TRIM9: variants seen among roughly 807,000 people sequenced by gnomAD.
The protein encoded by TRIM9 is tripartite motif containing 9.
TRIM9 carries 26 observed loss-of-function variants against 78.3 expected under a neutral mutation model. The observed-to-expected ratio is 0.33, with a 90% CI of 0.24 to 0.46. The LOEUF is 0.46. Among genes scored for constraint, TRIM9 ranks in the 20% least tolerant of loss-of-function variants. The pLI is 1.00. For synonymous variants in TRIM9, 398 were observed against 416.5 expected, an observed-to-expected ratio of 0.96 and a Z score of 0.54; for missense variants, 787 against 1,036.4, an observed-to-expected ratio of 0.76 and a Z score of 3.30.
At chr14:51,038,305 C>T (rs996029482) in intron 1 of TRIM9, among the ~76,000 whole-genome samples, 2 of 151,784 alleles carry the variant, frequency 1.3e-5, no homozygotes, top group African/African-American at 4.8e-5. Flanking sequence ...GGAACTCAGC[C>T]CTGTTTGTTG....
At chr14:50,988,929 T>C (rs1191557985) in intron 7 of TRIM9, among the ~76,000 whole-genome samples, 1 of 152,166 alleles carries the variant, frequency 6.6e-6, no homozygotes, top group Non-Finnish European at 1.5e-5. Context: ...TGAAGTCCCC[T>C]GGGATGAGGA....
intron 1 of TRIM9, among the ~76,000 whole-genome samples, chr14:51,042,125 C>A (rs2059621605): frequency 6.6e-6 from 1 of 152,132 alleles, no homozygotes; most frequent in Non-Finnish European, 1.5e-5. Context: ...AAGTTGATAG[C>A]TAAATCAACT....
chr14:51,034,911 T>A (rs1252717776), intron 1 of TRIM9, among the ~76,000 whole-genome samples: 1 of 152,162 alleles, frequency 6.6e-6, no homozygotes, highest in East Asian at 1.9e-4. Context: ...ATAGTACCCA[T>A]CTTGCTGGGT....
chr14:50,988,618 C>A (rs924645495), intron 7 of TRIM9, among the ~76,000 whole-genome samples: 4 of 151,064 alleles, frequency 2.6e-5, no homozygotes, highest in Non-Finnish European at 5.9e-5. Context: ...TATGACCTCC[C>A]ATTACCTACC....
At chr14:51,060,530 G>C (rs773512455) in intron 1 of TRIM9, among the ~76,000 whole-genome samples, 1 of 151,986 alleles carries the variant, frequency 6.6e-6, no homozygotes, top group Admixed American at 6.6e-5. Flanking sequence ...GCAGTGGCAC[G>C]ATCTCGGCTG....
intron 1 of TRIM9, among the ~76,000 whole-genome samples, chr14:51,039,658 G>A (rs1217718302): frequency 6.6e-6 from 1 of 152,172 alleles, no homozygotes; most frequent in Non-Finnish European, 1.5e-5. Flanking sequence ...CCTGTCTCTT[G>A]ATCTGAGTGG....
At chr14:50,983,037 G>C (rs1203521729) in intron 9 of TRIM9, 72 bp from the exon 10 acceptor site, 6 of 1,437,822 alleles carry the variant, frequency 4.2e-6, no homozygotes, top group African/African-American at 1.4e-5. Flanking sequence ...AAGAAAATGT[G>C]TCTCTCTTGA....
chr14:51,000,867 C>A, intron 5 of TRIM9, 27 bp from the exon 6 acceptor site: 1 of 1,612,668 alleles, frequency 6.2e-7, no homozygotes. Context: ...GTAACTCTGG[C>A]TTCTGTTAAG....
chr14:51,030,013 T>C (rs955783824), intron 1 of TRIM9, among the ~76,000 whole-genome samples: 4 of 152,272 alleles, frequency 2.6e-5, no homozygotes, highest in African/African-American at 9.6e-5. Context: ...CCAGATAGTA[T>C]GTAAATTACA....
At chr14:50,997,576 TTGAAA>T in intron 7 of TRIM9, 1 of 1,001,492 alleles carries the variant, frequency 1.0e-6, no homozygotes, top group Non-Finnish European at 1.2e-6. Context: ...CACCACCCAT[TTGAAA>T]CACATTCAGT....
chr14:50,977,210 C>T lies in TRIM9; in HGVS notation c.*81G>A, dbSNP rs80277731. The T allele has an allele frequency of 1.2e-3, 1,536 of 1,241,880 alleles. 17 individuals are homozygous for T. The African/African-American group carries it at 0.016, about 13-fold the overall frequency. The allele number at this position is 1,241,880 out of a possible 1,614,324, so 76.9% of individuals were successfully genotyped here. A position where few individuals can be genotyped will look rare whatever the true frequency, so the allele number is the denominator to read the frequency against. ...TCCCACTCCTGCCAACTCTGCACCC[C>T]ACCACGGCTGGCTGAGCTCCTTGCT... On this transcript the variant is annotated 3_prime_UTR_variant, in exon 13 of 13. Coordinates refer to ENST00000684578, the MANE Select transcript of TRIM9 (RefSeq NM_001387360.1).
chr14:51,053,593 T>TTTATTTTTTTTTTTTTTTTTTTA (rs1555344763), intron 1 of TRIM9, among the ~76,000 whole-genome samples: 1 of 114,996 alleles, frequency 8.7e-6, no homozygotes, highest in African/African-American at 3.7e-5. Flanking sequence ...TTTTTTTTTT[T>TTTATTTTTTTTTTTTTTTTTTTA]AATTTTTTTT....
chr14:51,061,250 G>A (rs986456326), intron 1 of TRIM9, among the ~76,000 whole-genome samples: 1 of 151,560 alleles, frequency 6.6e-6, no homozygotes, highest in Non-Finnish European at 1.5e-5. Context: ...CTGTCTCTAC[G>A]AAAAATATAA....
chr14:50,983,338 C>A (rs956555662), intron 9 of TRIM9, 42 bp downstream of exon 9: 5 of 1,469,152 alleles, frequency 3.4e-6, no homozygotes, highest in Non-Finnish European at 4.6e-6. Flanking sequence ...ATTGAGCACA[C>A]CAATCACGTA....
intron 6 of TRIM9, among the ~76,000 whole-genome samples, chr14:50,999,287 A>G (rs1016803385): frequency 6.6e-6 from 1 of 152,138 alleles, no homozygotes; most frequent in African/African-American, 2.4e-5. Flanking sequence ...GGGAAAAGAA[A>G]GGCCCTGAAA....
intron 1 of TRIM9, among the ~76,000 whole-genome samples, chr14:51,053,349 A>G (rs915901695): frequency 6.6e-6 from 1 of 151,802 alleles, no homozygotes; most frequent in Admixed American, 6.6e-5. Context: ...TCAAACCTTA[A>G]GAGTCCTAAG....
intron 1 of TRIM9, among the ~76,000 whole-genome samples, chr14:51,040,893 C>T (rs2059533042): frequency 6.6e-6 from 1 of 152,228 alleles, no homozygotes; most frequent in South Asian, 2.1e-4. Context: ...ATTCTAATAT[C>T]TGATCATTTT....
intron 1 of TRIM9, among the ~76,000 whole-genome samples, chr14:51,080,656 T>C (rs922184934): frequency 1.3e-5 from 2 of 152,212 alleles, no homozygotes; most frequent in African/African-American, 2.4e-5. Flanking sequence ...CCCAATTCTA[T>C]CCATTTATAA....
rs537845442 is a variant in TRIM9 at position 50,975,777 on chromosome 14, A to C, written c.*1514T>G. ...AAAAATATTTAGACAACTAATTAGA[A>C]CTTCTTTCCGGGTCCTACCTTTCCT... is the stretch of plus-strand genomic sequence containing the variant. On this transcript the variant is annotated 3_prime_UTR_variant, in exon 13 of 13. Coordinates refer to ENST00000684578, the MANE Select transcript of TRIM9 (RefSeq NM_001387360.1). 1.3e-5 allele frequency: 2 copies of C among 152,778 alleles called. No individual in the cohort carries two copies. Among genetic ancestry groups the C allele is most frequent in the South Asian group, 2.1e-4 (1 of 4,820 alleles). The allele number at this position is 152,778 out of a possible 1,614,324, so 9.5% of individuals were successfully genotyped here.
Sources: gnomAD v4.1 joint callset for allele counts (sites outside exome capture counted in the v4.1 genomes callset) on GRCh38, gnomAD v4.1.1 for gene constraint, MANE v1.5 for transcripts, NCBI Gene and HGNC (gene_info 2026-07-23, HGNC 2026-07-21) for gene names.